INTS4: variants seen among roughly 807,000 people sequenced by gnomAD.
The protein encoded by INTS4 is integrator complex subunit 4, also known as MSTP093.
INTS4 carries 70 observed loss-of-function variants against 119.5 expected under a neutral mutation model. That is an observed-to-expected ratio of 0.59 (90% CI 0.48 to 0.71). INTS4 has a LOEUF of 0.71. Ranked by LOEUF, INTS4 falls within the 30% of genes least tolerant of loss-of-function variation. INTS4 has a pLI of 0.00. For missense variants in INTS4, 867 were observed against 1,173.2 expected (o/e 0.74, Z 3.81); for synonymous variants, 316 against 419.6 (o/e 0.75, Z 3.02).
At chr11:77,959,995 G>A (rs1954426159) in intron 6 of INTS4, among the ~76,000 whole-genome samples, 1 of 151,968 alleles carries the variant, frequency 6.6e-6, no homozygotes. Flanking sequence ...GTGAAGTGTG[G>A]TGCCCAGAAA....
chr11:77,927,686 C>T (rs1384705427), intron 11 of INTS4, among the ~76,000 whole-genome samples: 2 of 152,032 alleles, frequency 1.3e-5, no homozygotes, highest in Non-Finnish European at 2.9e-5. Flanking sequence ...TAGAATGAAT[C>T]AATCCCTAAG....
chr11:77,985,909 C>G (rs1274901894), intron 2 of INTS4, among the ~76,000 whole-genome samples: 1 of 151,994 alleles, frequency 6.6e-6, no homozygotes, highest in Admixed American at 6.6e-5. Flanking sequence ...GATACTAATG[C>G]CTGATCACAA....
intron 19 of INTS4, among the ~76,000 whole-genome samples, chr11:77,893,397 G>C (rs1458743453): frequency 6.6e-6 from 1 of 152,140 alleles, no homozygotes; most frequent in Non-Finnish European, 1.5e-5. Flanking sequence ...CTTGAAGCCA[G>C]AAGTTTGAGA....
At chr11:77,917,577 T>A (rs1464971850) in intron 15 of INTS4, among the ~76,000 whole-genome samples, 2 of 152,100 alleles carry the variant, frequency 1.3e-5, no homozygotes, top group Non-Finnish European at 2.9e-5. Context: ...CCCAAAGTGC[T>A]GGGATTACAG....
intron 2 of INTS4, among the ~76,000 whole-genome samples, chr11:77,985,926 A>G (rs1856440927): frequency 6.6e-6 from 1 of 152,218 alleles, no homozygotes; most frequent in African/African-American, 2.4e-5. Context: ...ACAAAAAAAA[A>G]GTAGGAAAAA....
intron 19 of INTS4, among the ~76,000 whole-genome samples, chr11:77,892,184 G>A (rs533159268): frequency 6.6e-5 from 10 of 152,080 alleles, no homozygotes; most frequent in Non-Finnish European, 7.4e-5. Flanking sequence ...CCTACGAAGC[G>A]CCAAGCACTA....
chr11:77,989,938 G>A (rs1856601929), intron 2 of INTS4, among the ~76,000 whole-genome samples: 1 of 152,008 alleles, frequency 6.6e-6, no homozygotes, highest in East Asian at 1.9e-4. Context: ...TTTTTGGGCT[G>A]GGAATGGTAG....
chr11:77,953,346 GC>G (rs1477039711), intron 8 of INTS4, among the ~76,000 whole-genome samples: 5 of 152,020 alleles, frequency 3.3e-5, no homozygotes, highest in Non-Finnish European at 7.3e-5. Context: ...TATATACTAT[GC>G]CCCCACCCAC....
chr11:77,984,941 G>C (rs1283921952), intron 2 of INTS4, among the ~76,000 whole-genome samples: 2 of 147,410 alleles, frequency 1.4e-5, no homozygotes, highest in Non-Finnish European at 3.0e-5. Context: ...AGATAAGAGA[G>C]CATCTGACCT....
chr11:77,972,161 A>G (rs970390694), intron 4 of INTS4, among the ~76,000 whole-genome samples: 5 of 152,170 alleles, frequency 3.3e-5, no homozygotes, highest in African/African-American at 4.8e-5. Context: ...GCAGTAGCGC[A>G]GTCTCGGCTC....
chr11:77,921,350 G>C lies in INTS4; in HGVS notation c.1754C>G (p.Pro585Arg). Reference protein sequence around the residue: ...YLRDSLSHLVPALRLPGRKLV... With the variant: ...YLRDSLSHLVRALRLPGRKLV... Reference sequence around the variant, plus strand: ...ATGTTTTCAACATACCCTCAAGGCAGGAACAAGATGAGAAAGACTGTCTCG... The same window carrying C: ...ATGTTTTCAACATACCCTCAAGGCACGAACAAGATGAGAAAGACTGTCTCG... Residue 585 changes from proline to arginine, a missense_variant, in exon 14 of 23, where the codon CCT becomes CGT. Coordinates refer to ENST00000534064, the MANE Select transcript of INTS4 (RefSeq NM_033547.4). The C allele has an allele frequency of 6.2e-7, 1 of 1,613,224 alleles. No individual in the cohort carries two copies. Among genetic ancestry groups the C allele is most frequent in the South Asian group, 1.1e-5 (1 of 91,018 alleles).
At chr11:77,884,729 G>A in intron 21 of INTS4, 2 of 336,876 alleles carry the variant, frequency 5.9e-6, no homozygotes, top group Non-Finnish European at 1.2e-5. Flanking sequence ...AGGTCATGGG[G>A]CCTCCCCCTG....
At chr11:77,960,261 C>A in intron 6 of INTS4, 80 bp downstream of exon 6, 1 of 1,014,702 alleles carries the variant, frequency 9.9e-7, no homozygotes, top group South Asian at 1.4e-5. Flanking sequence ...CTTACGTTTT[C>A]AAATTCTGAG....
intron 17 of INTS4, among the ~76,000 whole-genome samples, chr11:77,902,170 T>G (rs1952798578): frequency 6.6e-6 from 1 of 152,184 alleles, no homozygotes; most frequent in Non-Finnish European, 1.5e-5. Flanking sequence ...GACTCCAGAC[T>G]CTCTTACAAT....
chr11:77,966,334 G>A (rs950052906), intron 4 of INTS4, among the ~76,000 whole-genome samples: 13 of 152,028 alleles, frequency 8.6e-5, no homozygotes, highest in Non-Finnish European at 1.9e-4. Context: ...GTGGTTGGTT[G>A]GTTGCCTGCT....
At chr11:77,987,845 A>G (rs1856516933) in intron 2 of INTS4, 3 of 299,624 alleles carry the variant, frequency 1.0e-5, no homozygotes, top group South Asian at 7.5e-5. Context: ...TGCACTCTAG[A>G]TTGGGCAACA....
At chr11:77,981,158 A>G (rs1591141752) in intron 3 of INTS4, among the ~76,000 whole-genome samples, 1 of 147,892 alleles carries the variant, frequency 6.8e-6, no homozygotes, top group South Asian at 2.2e-4. Context: ...TCAATATATC[A>G]AGGCCCTGCC....
At chr11:77,905,488 C>T (rs1234521358) in intron 16 of INTS4, among the ~76,000 whole-genome samples, 2 of 149,810 alleles carry the variant, frequency 1.3e-5, no homozygotes, top group African/African-American at 2.4e-5. Context: ...TATAGCAAAA[C>T]GGACTCTCTG....
intron 17 of INTS4, among the ~76,000 whole-genome samples, chr11:77,902,313 C>G (rs1305389446): frequency 6.6e-6 from 1 of 152,146 alleles, no homozygotes; most frequent in Non-Finnish European, 1.5e-5. Flanking sequence ...ATCTGGTATA[C>G]AGCAATGGTA....
Sources: gnomAD v4.1 joint callset for allele counts (sites outside exome capture counted in the v4.1 genomes callset) on GRCh38, gnomAD v4.1.1 for gene constraint, MANE v1.5 for transcripts, NCBI Gene and HGNC (gene_info 2026-07-23, HGNC 2026-07-21) for gene names.